Variants in IMPA2 observed in about 807,000 individuals in gnomAD.
IMPA2 encodes the protein inositol monophosphatase 2, also known as IMP 2.
A neutral mutation model predicts 35.1 loss-of-function variants in IMPA2; 32 were observed. The observed-to-expected ratio is 0.91, with a 90% CI of 0.69 to 1.23. The LOEUF is 1.23. Among genes scored for constraint, IMPA2 ranks in the 50% most tolerant of loss-of-function variants. The pLI, the probability that IMPA2 is intolerant of heterozygous loss-of-function variation, is 0.00. For missense variants in IMPA2, 334 were observed against 387.6 expected (o/e 0.86, Z 1.16); for synonymous variants, 135 against 160.6 (o/e 0.84, Z 1.20).
rs554220194 is a variant in IMPA2, at chr18:12,028,823, C to T, written c.600-19C>T. The T allele has an allele frequency of 8.3e-5, 134 of 1,611,974 alleles. 3 individuals are homozygous for T. The South Asian group carries it at 1.3e-3, about 15-fold the overall frequency. On this transcript the variant is annotated intron_variant, in intron 6 of 7. Coordinates refer to ENST00000269159, the MANE Select transcript of IMPA2 (RefSeq NM_014214.3). ...GGCTCCACTCCCGCCTGCATCTGTC[C>T]TCCCTTCCCTCTCCCCAGGGTCCGA...
chr18:12,026,786 A>C (rs1907892145), intron 5 of IMPA2, among the ~76,000 whole-genome samples: 1 of 152,174 alleles, frequency 6.6e-6, no homozygotes, highest in African/African-American at 2.4e-5. Context: ...TGGCAGCTGC[A>C]GGGCTCAGGT....
At chr18:11,989,492 C>T (rs1489077912) in intron 1 of IMPA2, among the ~76,000 whole-genome samples, 1 of 152,224 alleles carries the variant, frequency 6.6e-6, no homozygotes, top group African/African-American at 2.4e-5. Context: ...AGCTGGCAGG[C>T]ACAGAGTAGC....
rs148344628 is a variant in IMPA2 at position 11,987,017 on chromosome 18, A to T, written c.96+5252A>T. On this transcript the variant is annotated intron_variant, in intron 1 of 7. Transcript: ENST00000269159. ...CATTTGTCTAGTTTTCTGTATACCT[A>T]TTGTGAGCCATCCATCTTCCCAGCA... Among the ~76,000 whole-genome samples the T allele has an allele frequency of 8.0e-3, 1,225 of 152,214 alleles. 17 individuals are homozygous for T. Among genetic ancestry groups the T allele is most frequent in the Non-Finnish European group, 0.012 (808 of 68,020 alleles).
intron 1 of IMPA2, among the ~76,000 whole-genome samples, chr18:11,985,168 AAG>A (rs1166196779): frequency 5.4e-5 from 8 of 148,818 alleles, no homozygotes; most frequent in East Asian, 2.0e-4. Context: ...AAAAAAAAAA[AAG>A]AGAAAATACA....
intron 2 of IMPA2, among the ~76,000 whole-genome samples, chr18:12,007,610 C>CTT (rs1279014946): frequency 3.6e-3 from 507 of 139,114 alleles, no homozygotes; most frequent in African/African-American, 7.8e-3. Context: ...CTTTCTCTTT[C>CTT]TTTCTTTCTT....
chr18:12,007,679 C>CTTTCTTTCTTT (rs1207450457), intron 2 of IMPA2, among the ~76,000 whole-genome samples: 35 of 48,272 alleles, frequency 7.3e-4, no homozygotes, highest in East Asian at 6.4e-3. Context: ...TTCTTTCTTT[C>CTTTCTTTCTTT]CTTTCTTTCC....
In IMPA2 at chr18:12,030,739, C is replaced by T. The variant is rs953964086; in HGVS notation, c.*281C>T. On this transcript the variant is annotated 3_prime_UTR_variant, in exon 8 of 8. Transcript: ENST00000269159. ...CAAAACTCAAATCTCCTGTGAAATA[C>T]GTATTGATAATCCAATCTTGATTTT... The T allele has an allele frequency of 1.5e-5, 6 of 388,762 alleles. No individual in the cohort carries two copies. The highest frequency in any genetic ancestry group is 3.5e-5 in the South Asian group (1 of 28,294). 24.1% of individuals were successfully genotyped at this position (388,762 alleles called of 1,614,324 possible).
At chr18:11,996,975 C>T (rs1022489187) in intron 1 of IMPA2, among the ~76,000 whole-genome samples, 2 of 151,904 alleles carry the variant, frequency 1.3e-5, no homozygotes, top group Admixed American at 6.6e-5. Flanking sequence ...TACAGACACA[C>T]CCTGCATCCT....
chr18:12,025,083 T>G (rs1308380325), intron 5 of IMPA2, among the ~76,000 whole-genome samples: 3 of 152,062 alleles, frequency 2.0e-5, no homozygotes, highest in Non-Finnish European at 4.4e-5. Context: ...CTTTTTACTG[T>G]CTCCATAGTT....
intron 5 of IMPA2, among the ~76,000 whole-genome samples, chr18:12,022,081 A>T (rs1424360015): frequency 6.7e-6 from 1 of 148,232 alleles, no homozygotes; most frequent in African/African-American, 2.4e-5. Flanking sequence ...TCTTCAGCAT[A>T]CCATTCAATG....
intron 7 of IMPA2, 28 bp from the exon 8 acceptor site, chr18:12,030,315 A>C (rs1373622453): frequency 6.4e-7 from 1 of 1,563,916 alleles, no homozygotes; most frequent in South Asian, 1.1e-5. Context: ...GGTAACCCGG[A>C]TGCCTGGCTC....
intron 5 of IMPA2, among the ~76,000 whole-genome samples, chr18:12,026,053 A>G (rs1164558812): frequency 1.3e-5 from 1 of 74,088 alleles, no homozygotes; most frequent in Non-Finnish European, 2.7e-5. Flanking sequence ...TTTTTTTTTG[A>G]GATGGAGTTT....
At chr18:12,003,668 AAGG>A (rs1568031434) in intron 2 of IMPA2, among the ~76,000 whole-genome samples, 54 of 24,892 alleles carry the variant, frequency 2.2e-3, no homozygotes, top group African/African-American at 0.016. Context: ...AAAAAAAGAA[AAGG>A]AAAAAAAAAA....
intron 2 of IMPA2, among the ~76,000 whole-genome samples, chr18:12,001,926 T>C (rs140210863): frequency 6.6e-6 from 1 of 152,212 alleles, no homozygotes; most frequent in African/African-American, 2.4e-5. Context: ...CCCCAGTCTG[T>C]GTGTCACCCC....
chr18:12,022,838 G>C (rs1907771292), intron 5 of IMPA2, among the ~76,000 whole-genome samples: 2 of 149,232 alleles, frequency 1.3e-5, no homozygotes, highest in African/African-American at 4.9e-5. Flanking sequence ...GCAGTGGCAC[G>C]ATCTTGGCTC....
At chr18:12,025,042 TC>T (rs1205478208) in intron 5 of IMPA2, among the ~76,000 whole-genome samples, 2 of 152,208 alleles carry the variant, frequency 1.3e-5, no homozygotes, top group Non-Finnish European at 2.9e-5. Context: ...CGCCTATTCT[TC>T]CCTCCCCTGA....
chr18:12,007,606 CTT>C (rs1491153611), intron 2 of IMPA2, among the ~76,000 whole-genome samples: 2 of 141,576 alleles, frequency 1.4e-5, no homozygotes, highest in Non-Finnish European at 3.0e-5. Flanking sequence ...CTTTCTTTCT[CTT>C]TCTTTCTTTC....
At chr18:12,004,082 TCAAA>T (rs2143796175) in intron 2 of IMPA2, among the ~76,000 whole-genome samples, 1 of 152,298 alleles carries the variant, frequency 6.6e-6, no homozygotes, top group East Asian at 1.9e-4. Context: ...AAGCAAAACA[TCAAA>T]CAGAATCCTT....
chr18:12,014,221 G>A (rs45512594), intron 4 of IMPA2, 44 bp from the exon 5 acceptor site: 181,705 of 1,361,586 alleles, frequency 0.13, 16,783 homozygotes, highest in East Asian at 0.46. Context: ...CACATCAAAC[G>A]AGTGAACCAT....
Sources: gnomAD v4.1 joint callset for allele counts (sites outside exome capture counted in the v4.1 genomes callset) on GRCh38, gnomAD v4.1.1 for gene constraint, MANE v1.5 for transcripts, NCBI Gene and HGNC (gene_info 2026-07-23, HGNC 2026-07-21) for gene names.